Variants in PPP3CC observed in about 807,000 individuals in gnomAD.
PPP3CC encodes serine/threonine-protein phosphatase 2B catalytic subunit gamma isoform.
PPP3CC carries 35 observed loss-of-function variants against 60.3 expected under a neutral mutation model. The observed-to-expected ratio is 0.58, with a 90% CI of 0.44 to 0.77. The LOEUF (loss-of-function observed/expected upper bound fraction) is 0.77, where lower values mean the gene tolerates loss of function less well. Ranked by LOEUF, PPP3CC falls within the 30% of genes least tolerant of loss-of-function variation. PPP3CC has a pLI of 0.00. For synonymous variants in PPP3CC, 206 were observed against 224.3 expected, an observed-to-expected ratio of 0.92 and a Z score of 0.73; for missense variants, 570 against 628.9, an observed-to-expected ratio of 0.91 and a Z score of 1.00.
chr8:22,490,546 G>A (rs1319332174), intron 3 of PPP3CC, among the ~76,000 whole-genome samples: 2 of 152,000 alleles, frequency 1.3e-5, no homozygotes, highest in Non-Finnish European at 2.9e-5. Context: ...TTGGTGTGCT[G>A]CACCCATTAA....
chr8:22,475,270 ACAGT>A (rs1344043789), intron 2 of PPP3CC, 119 bp downstream of exon 2: 9 of 1,058,852 alleles, frequency 8.5e-6, no homozygotes, highest in South Asian at 1.6e-5. Context: ...AAATTATGAG[ACAGT>A]CAGGATTGGT....
intron 5 of PPP3CC, 144 bp downstream of exon 5, chr8:22,511,375 C>G: frequency 1.2e-6 from 1 of 858,098 alleles, no homozygotes; most frequent in Non-Finnish European, 1.8e-6. Flanking sequence ...CTGCAACCTC[C>G]GCCTCCCTGG....
At chr8:22,465,980 C>T (rs1837508731) in intron 1 of PPP3CC, among the ~76,000 whole-genome samples, 1 of 152,244 alleles carries the variant, frequency 6.6e-6, no homozygotes, top group Non-Finnish European at 1.5e-5. Flanking sequence ...AATGCTCTCC[C>T]TCCCCCAGCC....
intron 3 of PPP3CC, chr8:22,492,883 C>A: frequency 8.9e-7 from 1 of 1,120,844 alleles, no homozygotes; most frequent in Non-Finnish European, 1.4e-6. Flanking sequence ...ACAGGCCATG[C>A]TGAGACAAAG....
chr8:22,460,811 C>A (rs1837342345), intron 1 of PPP3CC, among the ~76,000 whole-genome samples: 1 of 152,018 alleles, frequency 6.6e-6, no homozygotes, highest in Admixed American at 6.6e-5. Flanking sequence ...GAGTGAGAGA[C>A]CCTGTGTCTA....
At chr8:22,535,468 T>C (rs1306769630) in intron 12 of PPP3CC, among the ~76,000 whole-genome samples, 1 of 152,222 alleles carries the variant, frequency 6.6e-6, no homozygotes, top group Non-Finnish European at 1.5e-5. Context: ...TTAGTTTTTT[T>C]CCCACCTCAT....
At chr8:22,482,658 G>C (rs1838104172) in intron 3 of PPP3CC, among the ~76,000 whole-genome samples, 1 of 152,098 alleles carries the variant, frequency 6.6e-6, no homozygotes, top group Non-Finnish European at 1.5e-5. Context: ...TTTTAAACAG[G>C]CTACCAAAAA....
At chr8:22,500,387 G>C (rs1043154912) in intron 4 of PPP3CC, among the ~76,000 whole-genome samples, 4 of 151,840 alleles carry the variant, frequency 2.6e-5, no homozygotes, top group African/African-American at 9.7e-5. Flanking sequence ...TTGATATTTT[G>C]ATCATGGATT....
chr8:22,447,377 T>C (rs556779577), intron 1 of PPP3CC, among the ~76,000 whole-genome samples: 4 of 151,816 alleles, frequency 2.6e-5, no homozygotes, highest in African/African-American at 9.7e-5. Context: ...AGAGACGGGG[T>C]TTCACTGTGT....
rs529932084 is a variant in PPP3CC, at chr8:22,459,556, G to C, written c.50-15398G>C. 1.6e-4 allele frequency among the ~76,000 whole-genome samples: 25 copies of C among 152,188 alleles called. No homozygotes were observed. The South Asian group carries it at 5.0e-3, about 30-fold the overall frequency. On this transcript the variant is annotated intron_variant, in intron 1 of 13. Coordinates refer to ENST00000240139, the MANE Select transcript of PPP3CC (RefSeq NM_005605.5). ...TTTCATGAGAGAGTATCTTGCATGT[G>C]AGTATTATTTGTCACATGTTATGCC...
At chr8:22,477,058 G>C (rs560147084) in intron 3 of PPP3CC, among the ~76,000 whole-genome samples, 5 of 152,164 alleles carry the variant, frequency 3.3e-5, no homozygotes, top group Non-Finnish European at 4.4e-5. Flanking sequence ...CTTCTGCTCC[G>C]TAAATGTCCA....
rs570958851 is a variant in PPP3CC at position 22,510,913 on chromosome 8, A to T, written c.485-173A>T. 292 of 618,446 alleles carry T rather than the reference A, an allele frequency of 4.7e-4. 2 individuals carry two copies. The South Asian group carries it at 6.1e-3, about 13-fold the overall frequency. The allele number at this position is 618,446 out of a possible 1,614,324, so 38.3% of individuals were successfully genotyped here. On this transcript the variant is annotated intron_variant, in intron 4 of 13. Coordinates refer to ENST00000240139, the MANE Select transcript of PPP3CC (RefSeq NM_005605.5). ...CACTTGTCTTTAAGAGGAGAGAGGT[A>T]TTGTTAACCTATTATCCACAACTTT...
intron 3 of PPP3CC, among the ~76,000 whole-genome samples, chr8:22,477,426 A>G (rs889723883): frequency 6.6e-6 from 1 of 151,290 alleles, no homozygotes; most frequent in Non-Finnish European, 1.5e-5. Flanking sequence ...GCAGTGGGCT[A>G]TTGTGCCGCT....
At chr8:22,492,934 G>A in intron 3 of PPP3CC, 1 of 1,247,980 alleles carries the variant, frequency 8.0e-7, no homozygotes. Flanking sequence ...AACCAGCTTG[G>A]TGCACACTGT....
chr8:22,517,176 AAC>A (rs140254060), intron 6 of PPP3CC, among the ~76,000 whole-genome samples: 4 of 152,366 alleles, frequency 2.6e-5, no homozygotes, highest in Non-Finnish European at 5.9e-5. Flanking sequence ...GCTGAGGCTG[AAC>A]AAAGTGATAC....
At chr8:22,501,641 C>G (rs892478164) in intron 4 of PPP3CC, among the ~76,000 whole-genome samples, 14 of 152,128 alleles carry the variant, frequency 9.2e-5, no homozygotes, top group Non-Finnish European at 1.8e-4. Flanking sequence ...TTTTTCCAGG[C>G]CGGCCTGAAT....
chr8:22,447,154 A>G (rs1191742990), intron 1 of PPP3CC, among the ~76,000 whole-genome samples: 5 of 146,874 alleles, frequency 3.4e-5, no homozygotes, highest in African/African-American at 1.3e-4. Context: ...CAGGCATAGC[A>G]TACGCCACCG....
intron 3 of PPP3CC, among the ~76,000 whole-genome samples, chr8:22,483,829 C>T (rs1838143197): frequency 1.3e-5 from 2 of 151,826 alleles, no homozygotes; most frequent in Admixed American, 1.3e-4. Context: ...ATTTTAATGC[C>T]TATCTTGTAA....
Position 22,454,796 on chromosome 8 carries a change from C to T in PPP3CC, c.49+13338C>T, listed in dbSNP as rs903813479. On this transcript the variant is annotated intron_variant, in intron 1 of 13. Transcript: ENST00000240139. ...TATTGAAAGGATTTAAGGCTGGGCGCGGTGGCTCACGCCTGTAATCCCAGC... is the reference window on the plus strand; with the variant it reads ...TATTGAAAGGATTTAAGGCTGGGCGTGGTGGCTCACGCCTGTAATCCCAGC... 8.5e-5 allele frequency among the ~76,000 whole-genome samples: 13 copies of T among 152,168 alleles called. No individual in the cohort carries two copies. The East Asian group carries it at 1.2e-3, about 14-fold the overall frequency.
Sources: gnomAD v4.1 joint callset for allele counts (sites outside exome capture counted in the v4.1 genomes callset) on GRCh38, gnomAD v4.1.1 for gene constraint, MANE v1.5 for transcripts, NCBI Gene and HGNC (gene_info 2026-07-23, HGNC 2026-07-21) for gene names.